Variants in C12orf42 observed in about 807,000 individuals in gnomAD.
C12orf42 encodes the protein chromosome 12 open reading frame 42.
Under a neutral mutation model 21.6 loss-of-function variants are expected in C12orf42, and 25 were observed. That is an observed-to-expected ratio of 1.16 (90% CI 0.84 to 1.62). The LOEUF (loss-of-function observed/expected upper bound fraction) is 1.62. Ranked by LOEUF, C12orf42 falls within the 40% of genes most tolerant of loss-of-function variation. The pLI is 0.00. For missense variants in C12orf42, 483 were observed against 459.3 expected (o/e 1.05, Z -0.47); for synonymous variants, 174 against 175.0 (o/e 0.99, Z 0.05).
At chr12:103,378,473 A>ACCATCCAAGGCAATGCCAGGATTTGC (rs1380227752) in intron 3 of C12orf42, among the ~76,000 whole-genome samples, 1 of 152,106 alleles carries the variant, frequency 6.6e-6, no homozygotes, top group African/African-American at 2.4e-5. Context: ...TTCTTGCCTC[A>ACCATCCAAGGCAATGCCAGGATTTGC]CTATCCCCAT....
the C12orf42 span, among the ~76,000 whole-genome samples, chr12:103,085,005 C>A: frequency 1.3e-5 from 2 of 152,068 alleles, no homozygotes; most frequent in South Asian, 2.1e-4. Flanking sequence ...TCCAGGAGAA[C>A]TGGGTAAGAC....
At chr12:103,468,970 C>G (rs988346966) in intron 2 of C12orf42, among the ~76,000 whole-genome samples, 1 of 152,190 alleles carries the variant, frequency 6.6e-6, no homozygotes, top group Non-Finnish European at 1.5e-5. Context: ...AGATTTGAGG[C>G]CTTCAACCAA....
At chr12:103,162,030 C>A in the C12orf42 span, among the ~76,000 whole-genome samples, 1 of 152,186 alleles carries the variant, frequency 6.6e-6, no homozygotes, top group Non-Finnish European at 1.5e-5. Context: ...CCCCCAGCCC[C>A]CCTTCCCTTT....
At chr12:103,437,240 G>A (rs1950798901) in intron 2 of C12orf42, among the ~76,000 whole-genome samples, 1 of 152,074 alleles carries the variant, frequency 6.6e-6, no homozygotes, top group South Asian at 2.1e-4. Context: ...AGAATCTCTG[G>A]GATGCATTCA....
the C12orf42 span, among the ~76,000 whole-genome samples, chr12:103,144,567 A>G: frequency 6.6e-6 from 1 of 152,240 alleles, no homozygotes; most frequent in Admixed American, 6.5e-5. Flanking sequence ...AGCTTTCATC[A>G]CTGCAAGGCA....
At chr12:103,419,292 T>C (rs2049653510) in intron 2 of C12orf42, among the ~76,000 whole-genome samples, 1 of 151,750 alleles carries the variant, frequency 6.6e-6, no homozygotes, top group Non-Finnish European at 1.5e-5. Context: ...CAATAAGGAG[T>C]CATCATGTTT....
the C12orf42 span, among the ~76,000 whole-genome samples, chr12:103,514,212 C>A: frequency 6.6e-6 from 1 of 152,154 alleles, no homozygotes; most frequent in African/African-American, 2.4e-5. Context: ...ATGGGGGAAA[C>A]CGCCCTTATG....
At chr12:103,456,863 A>G (rs1952334079) in intron 2 of C12orf42, among the ~76,000 whole-genome samples, 1 of 152,146 alleles carries the variant, frequency 6.6e-6, no homozygotes. Context: ...AAATTAATAA[A>G]CAATCCAGGA....
At chr12:103,161,413 A>C in the C12orf42 span, 4 of 152,314 alleles carry the variant, frequency 2.6e-5, no homozygotes, top group Admixed American at 2.6e-4. Context: ...ATTTTAAAAA[A>C]TTACCACCTA....
At chr12:103,239,456 T>C (rs528599324) in intron 10 of C12orf42, among the ~76,000 whole-genome samples, 5 of 152,310 alleles carry the variant, frequency 3.3e-5, no homozygotes, top group South Asian at 2.1e-4. Context: ...TTCCAATCCA[T>C]GTGTTTTCTG....
chr12:103,271,555 A>C (rs1467499757), intron 5 of C12orf42, among the ~76,000 whole-genome samples: 1 of 152,138 alleles, frequency 6.6e-6, no homozygotes, highest in African/African-American at 2.4e-5. Context: ...TAAAATGGGG[A>C]CAGTAATGCC....
In C12orf42 at chr12:103,293,342, G is replaced by A. The variant is rs190903820; in HGVS notation, n.338-16132C>T. Reference sequence around the variant, plus strand: ...GAAGGGTCCTTTGTTTGTAAGGACCGTTTCCTCTACCTAACTATGTTTATA... The same window carrying A: ...GAAGGGTCCTTTGTTTGTAAGGACCATTTCCTCTACCTAACTATGTTTATA... On this transcript the variant is annotated intron_variant and non_coding_transcript_variant, in intron 4 of 6. Coordinates refer to the C12orf42 transcript ENST00000546526. Among the ~76,000 whole-genome samples, 34 of 152,094 alleles carry A rather than the reference G, an allele frequency of 2.2e-4. No individual in the cohort carries two copies. The East Asian group carries it at 2.3e-3, about 10-fold the overall frequency.
chr12:103,182,366 A>G, the C12orf42 span, among the ~76,000 whole-genome samples: 1,647 of 152,276 alleles, frequency 0.011, 25 homozygotes, highest in African/African-American at 0.037. Flanking sequence ...TATCTGATTG[A>G]CCCATCCTAG....
intron 4 of C12orf42, among the ~76,000 whole-genome samples, chr12:103,315,071 C>A (rs1854161253): frequency 1.3e-5 from 2 of 152,132 alleles, no homozygotes; most frequent in Admixed American, 1.3e-4. Context: ...GCAGCTACAA[C>A]AAACATTAAA....
chr12:103,476,994 G>C (rs1954102310), intron 2 of C12orf42: 1 of 152,090 alleles, frequency 6.6e-6, no homozygotes, highest in Non-Finnish European at 1.5e-5. Flanking sequence ...AGATTTCACT[G>C]TGATCCAGCT....
At chr12:103,342,374 T>A (rs1444593347) in intron 4 of C12orf42, among the ~76,000 whole-genome samples, 1 of 152,092 alleles carries the variant, frequency 6.6e-6, no homozygotes, top group Admixed American at 6.5e-5. Context: ...CCTTCTTGGG[T>A]CCCATTTTAA....
chr12:103,200,254 C>G, the C12orf42 span, among the ~76,000 whole-genome samples: 1 of 151,964 alleles, frequency 6.6e-6, no homozygotes, highest in Non-Finnish European at 1.5e-5. Flanking sequence ...TACATGACAC[C>G]CCTTATATGA....
chr12:103,531,019 T>C, the C12orf42 span, among the ~76,000 whole-genome samples: 1 of 152,102 alleles, frequency 6.6e-6, no homozygotes, highest in East Asian at 1.9e-4. Flanking sequence ...TGTCACAATA[T>C]TTTCCCACAT....
the C12orf42 span, among the ~76,000 whole-genome samples, chr12:103,545,294 G>A: frequency 1.3e-5 from 2 of 152,178 alleles, no homozygotes; most frequent in African/African-American, 4.8e-5. Flanking sequence ...GTGAACAGTT[G>A]AAGCAGATGT....
Sources: gnomAD v4.1 joint callset for allele counts (sites outside exome capture counted in the v4.1 genomes callset) on GRCh38, gnomAD v4.1.1 for gene constraint, MANE v1.5 for transcripts, NCBI Gene and HGNC (gene_info 2026-07-23, HGNC 2026-07-21) for gene names.